Variants in UST observed in about 807,000 individuals in gnomAD.
The protein encoded by UST is uronyl 2-sulfotransferase.
In UST, 21 loss-of-function variants were observed where a neutral mutation model predicts 45.6. The ratio of observed to expected loss-of-function variants is 0.46; its 90% CI spans 0.33 to 0.66. The LOEUF (loss-of-function observed/expected upper bound fraction) is 0.66. UST is among the 30% of genes least tolerant of loss of function. UST has a pLI of 0.02. For synonymous variants in UST, 215 were observed against 200.6 expected, an observed-to-expected ratio of 1.07 and a Z score of -0.61; for missense variants, 463 against 512.4, an observed-to-expected ratio of 0.90 and a Z score of 0.93.
chr6:149,025,782 AG>A (rs1776040665), intron 7 of UST, among the ~76,000 whole-genome samples: 2 of 152,116 alleles, frequency 1.3e-5, no homozygotes, highest in Non-Finnish European at 2.9e-5. Flanking sequence ...AAGCCAAGGC[AG>A]ACAGATCACT....
intron 5 of UST, among the ~76,000 whole-genome samples, chr6:148,997,428 G>A (rs1471364910): frequency 6.6e-6 from 1 of 152,156 alleles, no homozygotes; most frequent in East Asian, 1.9e-4. Context: ...AGTCCAAGAA[G>A]CTTTAGAGTG....
At position 149,075,870 on chromosome 6, in the gene UST, A is replaced by T. The variant is rs1363279896; in HGVS notation, c.*1754A>T. 1.3e-5 allele frequency: 2 copies of T among 152,624 alleles called. No individual in the cohort carries two copies. Among genetic ancestry groups the T allele is most frequent in the Non-Finnish European group, 2.9e-5 (2 of 68,034 alleles). 9.5% of individuals were successfully genotyped at this position (152,624 alleles called of 1,614,324 possible). On this transcript the variant is annotated 3_prime_UTR_variant, in exon 8 of 8. Coordinates refer to ENST00000367463, the MANE Select transcript of UST (RefSeq NM_005715.3). ...ACAAGCTACACATTTTATACTTTTC[A>T]TAAACCACAAAGTCTCTCTAGAATT... is the stretch of plus-strand genomic sequence containing the variant.
At chr6:148,895,641 T>C (rs1309149143) in intron 2 of UST, among the ~76,000 whole-genome samples, 5 of 152,196 alleles carry the variant, frequency 3.3e-5, no homozygotes, top group African/African-American at 9.7e-5. Context: ...CATACTGTTC[T>C]TGTGGTAGTG....
At chr6:148,793,520 T>C (rs1284353584) in intron 1 of UST, among the ~76,000 whole-genome samples, 1 of 152,178 alleles carries the variant, frequency 6.6e-6, no homozygotes, top group Non-Finnish European at 1.5e-5. Context: ...TGCTTAACGA[T>C]GGGAACACAT....
At chr6:148,892,115 A>C (rs551385658) in intron 2 of UST, among the ~76,000 whole-genome samples, 62 of 152,326 alleles carry the variant, frequency 4.1e-4, no homozygotes, top group Non-Finnish European at 6.9e-4. Flanking sequence ...TATATTGTTC[A>C]TTCAATATAT....
At chr6:148,913,705 T>C (rs1387806068) in intron 2 of UST, among the ~76,000 whole-genome samples, 2 of 152,190 alleles carry the variant, frequency 1.3e-5, no homozygotes, top group Non-Finnish European at 2.9e-5. Context: ...TTATTGCTTC[T>C]GTAGAGAATA....
At chr6:148,797,314 CA>C (rs1776971553) in intron 1 of UST, among the ~76,000 whole-genome samples, 1 of 152,108 alleles carries the variant, frequency 6.6e-6, no homozygotes, top group Non-Finnish European at 1.5e-5. Context: ...AACAAGCAAA[CA>C]AACAAACCCC....
chr6:148,877,575 C>T (rs1480790714), intron 1 of UST, among the ~76,000 whole-genome samples: 2 of 89,828 alleles, frequency 2.2e-5, no homozygotes, highest in Middle Eastern at 0.011. Context: ...GTGCAGGGGT[C>T]GTGTATGAGT....
rs954793793 is a variant in UST, at chr6:149,065,974, C to G, written c.938-7859C>G. Among the ~76,000 whole-genome samples, 3 of 152,134 alleles carry G rather than the reference C, an allele frequency of 2.0e-5. 1 individual carries two copies. The highest frequency in any genetic ancestry group is 2.0e-4 in the Admixed American group (3 of 15,276). On this transcript the variant is annotated intron_variant, in intron 7 of 7. Coordinates refer to ENST00000367463, the MANE Select transcript of UST (RefSeq NM_005715.3). ...GGATAGAGGGTTGGATGCTGCCACC[C>G]AGGGAGTAACCAGGGAGAAGGGAAG... is the stretch of plus-strand genomic sequence containing the variant.
intron 3 of UST, among the ~76,000 whole-genome samples, chr6:148,945,266 G>C (rs1329846796): frequency 6.6e-6 from 1 of 152,204 alleles, no homozygotes; most frequent in Non-Finnish European, 1.5e-5. Flanking sequence ...AAGACAATCA[G>C]ATTGTAACTT....
chr6:148,877,005 T>TG (rs1778669668), intron 1 of UST, among the ~76,000 whole-genome samples: 1 of 12,024 alleles, frequency 8.3e-5, no homozygotes. Flanking sequence ...CATATATGAG[T>TG]TGGGGGGGGT....
intron 5 of UST, chr6:149,005,704 A>G (rs1316161398): frequency 3.8e-6 from 3 of 788,522 alleles, no homozygotes; most frequent in Non-Finnish European, 4.6e-6. Context: ...ATTGAGCTTG[A>G]TAACTTATTT....
chr6:148,791,374 CTA>C (rs940789372), intron 1 of UST, among the ~76,000 whole-genome samples: 1 of 152,116 alleles, frequency 6.6e-6, no homozygotes, highest in Non-Finnish European at 1.5e-5. Flanking sequence ...GATGTGGACT[CTA>C]TGTTTTAGAC....
chr6:148,750,414 A>G (rs1189873893), intron 1 of UST, among the ~76,000 whole-genome samples: 2 of 152,248 alleles, frequency 1.3e-5, no homozygotes, highest in Non-Finnish European at 2.9e-5. Flanking sequence ...GTGCATACAC[A>G]GGGTGACATT....
chr6:148,942,760 A>G lies in UST; in HGVS notation c.447+1326A>G, dbSNP rs1184768334. On this transcript the variant is annotated intron_variant, in intron 3 of 7. Transcript: ENST00000367463. ...TTTTAAGACAGTAACATAGCCAACC[A>G]TACTTGTTCTAAAGCCACTATGTTT... Among the ~76,000 whole-genome samples the G allele has an allele frequency of 3.3e-5, 5 of 152,166 alleles. No homozygotes were observed. In the East Asian group the frequency reaches 7.7e-4, roughly 23 times the overall value.
chr6:149,026,317 AAAAAT>A (rs1393496161), intron 7 of UST, among the ~76,000 whole-genome samples: 1 of 152,214 alleles, frequency 6.6e-6, no homozygotes, highest in African/African-American at 2.4e-5. Flanking sequence ...ACCTTGTTTC[AAAAAT>A]AAAATAAAAG....
At chr6:148,951,078 C>A (rs576411411) in intron 3 of UST, among the ~76,000 whole-genome samples, 1 of 152,310 alleles carries the variant, frequency 6.6e-6, no homozygotes, top group African/African-American at 2.4e-5. Flanking sequence ...GGAGCTTGGA[C>A]TTGGTCAGGC....
At chr6:148,880,172 G>A (rs1778798430) in intron 1 of UST, among the ~76,000 whole-genome samples, 1 of 151,908 alleles carries the variant, frequency 6.6e-6, no homozygotes, top group African/African-American at 2.4e-5. Flanking sequence ...CCAGGCTAGT[G>A]TCAAACTCCT....
At chr6:148,984,669 G>A (rs1489753272) in intron 5 of UST, among the ~76,000 whole-genome samples, 2 of 152,180 alleles carry the variant, frequency 1.3e-5, no homozygotes, top group South Asian at 4.2e-4. Context: ...CAAGTAGCTC[G>A]GGCTATAGGT....
Sources: gnomAD v4.1 joint callset for allele counts (sites outside exome capture counted in the v4.1 genomes callset) on GRCh38, gnomAD v4.1.1 for gene constraint, MANE v1.5 for transcripts, NCBI Gene and HGNC (gene_info 2026-07-23, HGNC 2026-07-21) for gene names.